The following LOXHD1 variants were observed in gnomAD, a reference collection of about 807,000 sequenced individuals.
LOXHD1 encodes the protein lipoxygenase homology PLAT domains 1, also known as lipoxygenase homology domain-containing protein 1.
Under a neutral mutation model 248.2 loss-of-function variants are expected in LOXHD1, and 205 were observed. The ratio of observed to expected loss-of-function variants is 0.83; its 90% CI spans 0.74 to 0.93. The LOEUF is 0.93. LOXHD1 is among the 40% of genes least tolerant of loss of function. The probability of loss-of-function intolerance (pLI) is 0.00; values close to 1 mark genes in which losing one functional copy is unlikely to be tolerated. For synonymous variants in LOXHD1, 1,113 were observed against 1,162.8 expected (o/e 0.96, Z 0.87); for missense variants, 2,930 against 2,971.6 (o/e 0.99, Z 0.33).
At chr18:46,614,649 C>T (rs925713415) in intron 5 of LOXHD1, among the ~76,000 whole-genome samples, 10 of 151,970 alleles carry the variant, frequency 6.6e-5, no homozygotes, top group East Asian at 5.8e-4. Flanking sequence ...AGCACACCAA[C>T]GTGGCACATG....
At position 46,503,349 on chromosome 18, in the gene LOXHD1, T is replaced by G. The variant is rs569979097; in HGVS notation, c.5878+2489A>C. Among the ~76,000 whole-genome samples the G allele has an allele frequency of 1.4e-3, 208 of 152,294 alleles. 1 individual carries two copies. Among genetic ancestry groups the G allele is most frequent in the African/African-American group, 4.7e-3 (195 of 41,560 alleles). On this transcript the variant is annotated intron_variant, in intron 37 of 40. Transcript: ENST00000642948. ...TCCTTACCTTCCCCACACCCATGCC[T>G]GCCACCCTTACTAATCTGATCTGTC...
intron 12 of LOXHD1, among the ~76,000 whole-genome samples, chr18:46,586,169 C>T (rs977520668): frequency 6.6e-6 from 1 of 152,130 alleles, no homozygotes; most frequent in Non-Finnish European, 1.5e-5. Context: ...TATTGTATGA[C>T]TCTATATATG....
intron 34 of LOXHD1, among the ~76,000 whole-genome samples, chr18:46,511,688 C>T (rs1309543923): frequency 1.3e-5 from 2 of 152,118 alleles, no homozygotes; most frequent in Non-Finnish European, 2.9e-5. Context: ...TGGTTAGGGA[C>T]CCTGGGAGAG....
chr18:46,520,969 G>C, intron 33 of LOXHD1, 128 bp downstream of exon 33: 5 of 1,125,176 alleles, frequency 4.4e-6, no homozygotes, highest in Non-Finnish European at 6.3e-6. Context: ...TAGCACACCA[G>C]GCTGCAGCGC....
At chr18:46,572,064 C>G in intron 15 of LOXHD1, 22 bp downstream of exon 15, 1 of 1,549,952 alleles carries the variant, frequency 6.5e-7, no homozygotes. Flanking sequence ...ACACCCAGCA[C>G]CTGGTCATCA....
chr18:46,489,853 A>G (rs2033338692), intron 37 of LOXHD1, among the ~76,000 whole-genome samples: 1 of 152,254 alleles, frequency 6.6e-6, no homozygotes, highest in South Asian at 2.1e-4. Context: ...CAGTTGCTCA[A>G]TGAATGCTGA....
chr18:46,514,032 C>T (rs1270671689), intron 34 of LOXHD1, among the ~76,000 whole-genome samples: 3 of 152,154 alleles, frequency 2.0e-5, no homozygotes, highest in Non-Finnish European at 2.9e-5. Flanking sequence ...CCTTAGGGAC[C>T]ACTGGGAAAG....
At chr18:46,560,048 T>TGCCGGGGCC in intron 19 of LOXHD1, 35 bp downstream of exon 19, 3 of 1,226,298 alleles carry the variant, frequency 2.4e-6, no homozygotes, top group Non-Finnish European at 3.4e-6. Flanking sequence ...GTCTGGCCAC[T>TGCCGGGGCC]CCCTCCCCAC....
chr18:46,642,840 G>T (rs1039347083), intron 2 of LOXHD1, among the ~76,000 whole-genome samples: 1 of 152,098 alleles, frequency 6.6e-6, no homozygotes, highest in African/African-American at 2.4e-5. Context: ...TTTGAGCCCC[G>T]GCCTGCCAGC....
chr18:46,537,713 A>G (rs1470171092), intron 26 of LOXHD1, among the ~76,000 whole-genome samples: 5 of 152,228 alleles, frequency 3.3e-5, no homozygotes, highest in Non-Finnish European at 7.3e-5. Flanking sequence ...TCTCTATTAA[A>G]TTGTTTGACC....
At chr18:46,588,922 G>A (rs2038112558) in intron 12 of LOXHD1, among the ~76,000 whole-genome samples, 1 of 152,164 alleles carries the variant, frequency 6.6e-6, no homozygotes, top group Non-Finnish European at 1.5e-5. Context: ...CAACAGTGCT[G>A]GGAGGGCAGG....
intron 17 of LOXHD1, among the ~76,000 whole-genome samples, chr18:46,563,600 C>T (rs942139762): frequency 1.3e-5 from 2 of 152,134 alleles, no homozygotes; most frequent in Non-Finnish European, 2.9e-5. Context: ...AATGTCATTG[C>T]CATTGTAACC....
chr18:46,551,736 T>C (rs1383891235), intron 21 of LOXHD1, among the ~76,000 whole-genome samples: 1 of 151,730 alleles, frequency 6.6e-6, no homozygotes, highest in Non-Finnish European at 1.5e-5. Context: ...GTAAAAAGAG[T>C]AGTCCTTTAC....
rs1039652982 is a variant in LOXHD1, at chr18:46,611,038, C to A, written c.611-114G>T. The A allele has an allele frequency of 1.8e-5, 22 of 1,252,916 alleles. No homozygotes were observed. In the South Asian group the frequency reaches 3.1e-4, roughly 18 times the overall value. The allele number at this position is 1,252,916 out of a possible 1,614,324, so 77.6% of individuals were successfully genotyped here. ...CTTCCAAAGTTAACAAGGGCAACTT[C>A]CTCCTGAGATCTAAGGGCTCCTTAC... On this transcript the variant is annotated intron_variant, in intron 5 of 40. Coordinates refer to ENST00000642948, the MANE Select transcript of LOXHD1 (RefSeq NM_001384474.1).
chr18:46,506,268 G>A (rs2282552), intron 36 of LOXHD1, among the ~76,000 whole-genome samples: 52,996 of 152,044 alleles, frequency 0.35, 10,628 homozygotes, highest in East Asian at 0.61. Flanking sequence ...GTCAGCAAGT[G>A]TGAATGGTTT....
At chr18:46,516,309 T>TG in intron 34 of LOXHD1, among the ~76,000 whole-genome samples, 1 of 152,208 alleles carries the variant, frequency 6.6e-6, no homozygotes, top group East Asian at 1.9e-4. Flanking sequence ...CAACAGTGCC[T>TG]GACATGGAAT....
At chr18:46,573,475 A>T (rs1455941685) in intron 14 of LOXHD1, among the ~76,000 whole-genome samples, 2 of 152,128 alleles carry the variant, frequency 1.3e-5, no homozygotes, top group Non-Finnish European at 2.9e-5. Context: ...AAAACAAGAC[A>T]TTTGTCTCTC....
At chr18:46,583,580 G>GA (rs1015221723) in intron 12 of LOXHD1, among the ~76,000 whole-genome samples, 6 of 150,604 alleles carry the variant, frequency 4.0e-5, no homozygotes, top group Admixed American at 2.6e-4. Flanking sequence ...ACAGACAGAT[G>GA]AAAAAAAAAG....
At chr18:46,606,711 C>T (rs752617795) in intron 6 of LOXHD1, among the ~76,000 whole-genome samples, 1 of 152,070 alleles carries the variant, frequency 6.6e-6, no homozygotes, top group Non-Finnish European at 1.5e-5. Flanking sequence ...AAGGTATATT[C>T]AACCTGTATA....
Sources: gnomAD v4.1 joint callset for allele counts (sites outside exome capture counted in the v4.1 genomes callset) on GRCh38, gnomAD v4.1.1 for gene constraint, MANE v1.5 for transcripts, NCBI Gene and HGNC (gene_info 2026-07-23, HGNC 2026-07-21) for gene names.